The following C1RL variants were observed in gnomAD, a reference collection of about 807,000 sequenced individuals.
C1RL encodes complement C1r subcomponent-like protein.
In C1RL, 27 loss-of-function variants were observed where a neutral mutation model predicts 27.9. The observed-to-expected ratio is 0.97, with a 90% CI of 0.71 to 1.33. C1RL has a LOEUF of 1.33. C1RL is among the 40% of genes most tolerant of loss of function. The pLI is 0.00. For synonymous variants in C1RL, 248 were observed against 252.1 expected, an observed-to-expected ratio of 0.98 and a Z score of 0.15; for missense variants, 563 against 623.9, an observed-to-expected ratio of 0.90 and a Z score of 1.04.
chr12:7,095,767 G>A lies in C1RL; in HGVS notation c.*624C>T. ...TTGGGCAAGTCCCTTTATCCCCTGAGCCTCAGTTTCCTCATTTGTCACACA... is the reference window on the plus strand; with the variant it reads ...TTGGGCAAGTCCCTTTATCCCCTGAACCTCAGTTTCCTCATTTGTCACACA... On this transcript the variant is annotated 3_prime_UTR_variant, in exon 6 of 6. Transcript: ENST00000266542. 1.3e-6 allele frequency: 1 copy of A among 765,050 alleles called. No homozygotes were observed. Among genetic ancestry groups the A allele is most frequent in the African/African-American group, 1.9e-5 (1 of 52,780 alleles). The allele number at this position is 765,050 out of a possible 1,614,324, so 47.4% of individuals were successfully genotyped here.
At chr12:7,109,086 C>G in intron 1 of C1RL, 24 bp downstream of exon 1, 1 of 1,567,196 alleles carries the variant, frequency 6.4e-7, no homozygotes, top group Non-Finnish European at 8.7e-7. Flanking sequence ...CTCTTCCCTC[C>G]TCCTCTGCCG....
chr12:7,100,216 C>T (rs1161783109), intron 3 of C1RL, among the ~76,000 whole-genome samples, 190 bp from the exon 4 acceptor site: 2 of 152,096 alleles, frequency 1.3e-5, no homozygotes, highest in Non-Finnish European at 2.9e-5. Flanking sequence ...CTGTGACAAG[C>T]AGGGTAGGGG....
rs757230270 is a variant in C1RL at position 7,101,691 on chromosome 12, T to C, written c.490+207A>G. ...GATCTGCAAACACTGGGCCTGTAAA[T>C]CTGCATGGAAACAACCGCTGGGGGC... On this transcript the variant is annotated intron_variant, in intron 3 of 5. Coordinates refer to ENST00000266542, the MANE Select transcript of C1RL (RefSeq NM_016546.4). The C allele has an allele frequency of 3.3e-5, 19 of 574,102 alleles. 1 individual carries two copies. Among genetic ancestry groups the C allele is most frequent in the Non-Finnish European group, 6.3e-6 (2 of 319,700 alleles). The allele number at this position is 574,102 out of a possible 1,614,324, so 35.6% of individuals were successfully genotyped here.
chr12:7,100,117 G>T (rs1938575017), intron 3 of C1RL, 91 bp from the exon 4 acceptor site: 1 of 1,273,074 alleles, frequency 7.9e-7, no homozygotes, highest in Non-Finnish European at 1.1e-6. Context: ...GACTTGCACA[G>T]TGTTTTATTT....
At chr12:7,108,749 G>C in intron 1 of C1RL, 1 of 566,262 alleles carries the variant, frequency 1.8e-6, no homozygotes, top group South Asian at 2.3e-5. Context: ...TCTCCCAGGA[G>C]AGTCTCGTCC....
Position 7,099,237 on chromosome 12 carries a change from A to C in C1RL, c.691+449T>G, listed in dbSNP as rs914923322. ...AGAAACTCCATCCCAAAAAAAAAAA[A>C]AAAAAAAAAAAAAAAAAGTGAGCCA... On this transcript the variant is annotated intron_variant, in intron 5 of 5. Coordinates refer to ENST00000266542, the MANE Select transcript of C1RL (RefSeq NM_016546.4). 1.2e-3 allele frequency among the ~76,000 whole-genome samples: 168 copies of C among 145,816 alleles called. 2 individuals carry two copies. The highest frequency in any genetic ancestry group is 3.7e-3 in the African/African-American group (142 of 38,806).
chr12:7,096,236 G>A lies in C1RL; in HGVS notation c.*155C>T. The A allele has an allele frequency of 7.2e-7, 1 of 1,395,758 alleles. No homozygotes were observed. The highest frequency in any genetic ancestry group is 9.3e-7 in the Non-Finnish European group (1 of 1,079,516). 86.5% of individuals were successfully genotyped at this position (1,395,758 alleles called of 1,614,324 possible). On this transcript the variant is annotated 3_prime_UTR_variant, in exon 6 of 6. Transcript: ENST00000266542. The stretch of plus-strand genomic sequence containing the variant: ...GGCTTGCCGGGTGGGGGTTTCTCTT[G>A]CAGTGGCTTGGTGCAACAGTGATGT...
In C1RL at chr12:7,096,280, T is replaced by TTC; in HGVS notation, c.*110_*111insGA. The TTC allele has an allele frequency of 4.0e-6, 4 of 992,732 alleles. No individual in the cohort carries two copies. The highest frequency in any genetic ancestry group is 4.8e-6 in the Non-Finnish European group (4 of 832,236). The allele number at this position is 992,732 out of a possible 1,614,324, so 61.5% of individuals were successfully genotyped here. On this transcript the variant is annotated 3_prime_UTR_variant, in exon 6 of 6. Coordinates refer to ENST00000266542, the MANE Select transcript of C1RL (RefSeq NM_016546.4). ...GTGATGTGAATAGGATTTCCCTGCCTCCCCCAACCCCCCACCCCCAACCCC... is the reference window on the plus strand; with the variant it reads ...GTGATGTGAATAGGATTTCCCTGCCTTCCCCCCAACCCCCCACCCCCAACCCC...
At chr12:7,106,448 T>C (rs1005007542) in intron 2 of C1RL, among the ~76,000 whole-genome samples, 5 of 152,120 alleles carry the variant, frequency 3.3e-5, no homozygotes. Context: ...GAGAAAGGTA[T>C]GGGATTCAGG....
chr12:7,108,725 A>T, intron 1 of C1RL: 1 of 565,042 alleles, frequency 1.8e-6, no homozygotes, highest in South Asian at 2.3e-5. Flanking sequence ...CTCCGAAGAC[A>T]TCACCTTTGC....
At position 7,095,585 on chromosome 12, in the gene C1RL, A is replaced by G. The variant is rs141596210; in HGVS notation, c.*806T>C. The G allele has an allele frequency of 5.1e-6, 5 of 985,710 alleles. No homozygotes were observed. The highest frequency in any genetic ancestry group is 3.5e-5 in the African/African-American group (2 of 57,312). The allele number at this position is 985,710 out of a possible 1,614,324, so 61.1% of individuals were successfully genotyped here. On this transcript the variant is annotated 3_prime_UTR_variant, in exon 6 of 6. Coordinates refer to ENST00000266542, the MANE Select transcript of C1RL (RefSeq NM_016546.4). ...AGGAAAGTGTGAGCTAGAGGATACC[A>G]TTTTCGCAGAAGCAGGAATTCCCAG... is the stretch of plus-strand genomic sequence containing the variant.
chr12:7,101,119 C>T (rs1451711273), intron 3 of C1RL, among the ~76,000 whole-genome samples: 8 of 4,226 alleles, frequency 1.9e-3, no homozygotes, highest in South Asian at 0.027. Flanking sequence ...CCCTCCCTCC[C>T]TCCCTCCTTC....
Position 7,096,076 on chromosome 12 carries a change from A to G in C1RL, c.*315T>C. The stretch of plus-strand genomic sequence containing the variant: ...CTGTGTCAACAGATGAAGTAGGGGA[A>G]GGCGGTTCTAAGGACATTCAAGGCG... On this transcript the variant is annotated 3_prime_UTR_variant, in exon 6 of 6. Coordinates refer to ENST00000266542, the MANE Select transcript of C1RL (RefSeq NM_016546.4). 1 of 1,108,524 alleles carries G rather than the reference A, an allele frequency of 9.0e-7. No individual in the cohort carries two copies. The highest frequency in any genetic ancestry group is 1.1e-6 in the Non-Finnish European group (1 of 909,208). 68.7% of individuals were successfully genotyped at this position (1,108,524 alleles called of 1,614,324 possible).
At position 7,104,623 on chromosome 12, in the gene C1RL, G is replaced by A. The variant is rs1293698363; in HGVS notation, c.301-2536C>T. 2.6e-5 allele frequency among the ~76,000 whole-genome samples: 4 copies of A among 152,182 alleles called. No individual in the cohort carries two copies. Among genetic ancestry groups the A allele is most frequent in the Admixed American group, 2.6e-4 (4 of 15,284 alleles). On this transcript the variant is annotated intron_variant, in intron 2 of 5. Coordinates refer to ENST00000266542, the MANE Select transcript of C1RL (RefSeq NM_016546.4). This position sits in a 1 kb window ranked among gnomAD's most constrained non-coding sequence, Gnocchi z 5.4. ...TGTGAGTGCGTCCTGAAACAGGATG[G>A]TGTCCTGTCCAGCACTGGTTCATGC...
intron 3 of C1RL, among the ~76,000 whole-genome samples, chr12:7,100,427 C>CA (rs1377001313): frequency 6.6e-6 from 1 of 152,182 alleles, no homozygotes; most frequent in Non-Finnish European, 1.5e-5. Flanking sequence ...TGTGTGGCAG[C>CA]AAAGTATCTA....
rs1216875127 is a variant in C1RL, at chr12:7,104,036, G to A, written c.301-1949C>T. ...GTACACATAACCAAGGACAAAAAAG[G>A]GAGAGAAGATGACAGCAGATGACAG... On this transcript the variant is annotated intron_variant, in intron 2 of 5. Coordinates refer to ENST00000266542, the MANE Select transcript of C1RL (RefSeq NM_016546.4). This position sits in a 1 kb window ranked among gnomAD's most constrained non-coding sequence, Gnocchi z 5.4. 6.6e-6 allele frequency among the ~76,000 whole-genome samples: 1 copy of A among 152,202 alleles called. No homozygotes were observed. Among genetic ancestry groups the A allele is most frequent in the African/African-American group, 2.4e-5 (1 of 41,454 alleles).
intron 5 of C1RL, among the ~76,000 whole-genome samples, chr12:7,097,937 C>A (rs2135753867): frequency 6.6e-6 from 1 of 152,288 alleles, no homozygotes; most frequent in African/African-American, 2.4e-5. Context: ...GTTCAGGCTA[C>A]CCTTAGAGTT....
At chr12:7,099,213 G>C (rs1251707686) in intron 5 of C1RL, among the ~76,000 whole-genome samples, 1 of 71,288 alleles carries the variant, frequency 1.4e-5, no homozygotes. Flanking sequence ...CGACAAGAGA[G>C]AAACTCCATC....
intron 5 of C1RL, among the ~76,000 whole-genome samples, chr12:7,097,591 A>C (rs1168804663): frequency 6.6e-6 from 1 of 151,878 alleles, no homozygotes; most frequent in Non-Finnish European, 1.5e-5. Flanking sequence ...CGGGATCAGG[A>C]CTCTTATACT....
Sources: gnomAD v4.1 joint callset for allele counts (sites outside exome capture counted in the v4.1 genomes callset) on GRCh38, gnomAD v4.1.1 for gene constraint, Gnocchi (gnomAD v3.1) non-coding constraint, MANE v1.5 for transcripts, NCBI Gene and HGNC (gene_info 2026-07-23, HGNC 2026-07-21) for gene names.